Variants in MLIP observed in about 807,000 individuals in gnomAD.
MLIP encodes muscular LMNA-interacting protein.
Under a neutral mutation model 84.8 loss-of-function variants are expected in MLIP, and 79 were observed. The observed-to-expected ratio is 0.93, with a 90% CI of 0.78 to 1.12. The LOEUF is 1.12. Ranked by LOEUF, MLIP falls within the 50% of genes most tolerant of loss-of-function variation. The probability of loss-of-function intolerance (pLI) is 0.00; values close to 1 mark genes in which losing one functional copy is unlikely to be tolerated. For missense variants in MLIP, 1,257 were observed against 1,160.6 expected (o/e 1.08, Z -1.21); for synonymous variants, 504 against 463.0 (o/e 1.09, Z -1.14).
chr6:54,153,146 CA>C (rs1773634001), intron 5 of MLIP, among the ~76,000 whole-genome samples: 1 of 149,940 alleles, frequency 6.7e-6, no homozygotes, highest in East Asian at 2.0e-4. Context: ...TTATAAGTAG[CA>C]AAAAATAATT....
At chr6:54,114,904 GA>G (rs1296119567) in intron 1 of MLIP, among the ~76,000 whole-genome samples, 1 of 152,200 alleles carries the variant, frequency 6.6e-6, no homozygotes, top group Admixed American at 6.5e-5. Context: ...AAAGGGCAGA[GA>G]TGCAGATGTG....
intron 9 of MLIP, among the ~76,000 whole-genome samples, chr6:54,180,092 G>A (rs529039174): frequency 1.3e-5 from 2 of 151,956 alleles, no homozygotes; most frequent in African/African-American, 2.4e-5. Context: ...AAACTTTTTT[G>A]TTGTTGTTGT....
intron 12 of MLIP, among the ~76,000 whole-genome samples, chr6:54,243,425 C>A (rs913909574): frequency 6.6e-6 from 1 of 152,080 alleles, no homozygotes; most frequent in African/African-American, 2.4e-5. Context: ...TAGCTTCCAC[C>A]TTCCTGAACA....
At position 54,202,033 on chromosome 6, in the gene MLIP, C is replaced by T. The variant is rs1257006864; in HGVS notation, c.2590-72C>T. On this transcript the variant is annotated intron_variant, in intron 10 of 13. Transcript: ENST00000502396. ...GTGAGAACAGCATTGAATGACTTAA[C>T]AATAAACATATTTGTTCATTTTAAT... 6 of 1,099,860 alleles carry T rather than the reference C, an allele frequency of 5.5e-6. No homozygotes were observed. The South Asian group carries it at 1.3e-4, about 24-fold the overall frequency. 68.1% of individuals were successfully genotyped at this position (1,099,860 alleles called of 1,614,324 possible).
intron 11 of MLIP, among the ~76,000 whole-genome samples, chr6:54,213,204 A>AT (rs1294646243): frequency 6.6e-6 from 1 of 152,230 alleles, no homozygotes; most frequent in Non-Finnish European, 1.5e-5. Flanking sequence ...TAAGAAAATA[A>AT]TTTAGTTGTA....
chr6:54,265,815 A>T, intron 13 of MLIP, 135 bp from the exon 14 acceptor site: 1 of 738,938 alleles, frequency 1.4e-6, no homozygotes, highest in Non-Finnish European at 2.3e-6. Context: ...AGGAATAAAA[A>T]TAAGCTTTTC....
At chr6:54,146,532 T>C (rs1335558190) in intron 4 of MLIP, among the ~76,000 whole-genome samples, 1 of 152,186 alleles carries the variant, frequency 6.6e-6, no homozygotes, top group African/African-American at 2.4e-5. Context: ...TGAGATAAGT[T>C]AGCAGGAAGC....
intron 1 of MLIP, among the ~76,000 whole-genome samples, chr6:54,027,375 ACACACAC>A (rs1255657896): frequency 8.3e-3 from 1 of 120 alleles, no homozygotes; most frequent in Non-Finnish European, 0.023. Flanking sequence ...TAAAAAAAAT[ACACACAC>A]ACACACACAC....
At chr6:54,249,029 A>G (rs1782276361) in intron 12 of MLIP, among the ~76,000 whole-genome samples, 1 of 152,150 alleles carries the variant, frequency 6.6e-6, no homozygotes, top group Admixed American at 6.6e-5. Context: ...TAAGGATTCC[A>G]GTTAAGATTG....
intron 9 of MLIP, among the ~76,000 whole-genome samples, chr6:54,182,637 A>G (rs992451162): frequency 2.0e-5 from 3 of 152,074 alleles, no homozygotes; most frequent in Non-Finnish European, 2.9e-5. Context: ...ATTCTATTTC[A>G]TTCTATTTTC....
intron 11 of MLIP, among the ~76,000 whole-genome samples, chr6:54,214,475 C>T (rs1189086412): frequency 2.0e-5 from 3 of 152,202 alleles, no homozygotes; most frequent in Non-Finnish European, 4.4e-5. Context: ...GGGACCTTGC[C>T]TAGTCCTATT....
In MLIP at chr6:54,230,603, T is replaced by C. The variant is rs1218665620; in HGVS notation, c.2719-111T>C. 4.5e-6 allele frequency: 4 copies of C among 894,496 alleles called. No individual in the cohort carries two copies. In the African/African-American group the frequency reaches 4.9e-5, roughly 11 times the overall value. 55.4% of individuals were successfully genotyped at this position (894,496 alleles called of 1,614,324 possible). A position where few individuals can be genotyped will look rare whatever the true frequency, so the allele number is the denominator to read the frequency against. On this transcript the variant is annotated intron_variant, in intron 11 of 13. Coordinates refer to ENST00000502396, the MANE Select transcript of MLIP (RefSeq NM_001281747.2). ...GGGACACCATCTCATGAGGAGAGGT[T>C]GTCTTCTTACTGGTAAGAGATTCTG...
At chr6:54,264,651 T>C (rs1562124393) in intron 13 of MLIP, among the ~76,000 whole-genome samples, 2 of 152,120 alleles carry the variant, frequency 1.3e-5, no homozygotes, top group Non-Finnish European at 2.9e-5. Context: ...ATGCTGGTAC[T>C]TTAAGAAAAA....
At chr6:54,151,713 G>A (rs1395004013) in intron 5 of MLIP, among the ~76,000 whole-genome samples, 2 of 151,958 alleles carry the variant, frequency 1.3e-5, no homozygotes, top group Non-Finnish European at 2.9e-5. Flanking sequence ...CTCTCCAATT[G>A]GATTAAACCC....
At chr6:54,107,143 T>C (rs1408203561), upstream of MLIP, among the ~76,000 whole-genome samples, 2 of 152,244 alleles carry the variant, frequency 1.3e-5, no homozygotes, top group African/African-American at 4.8e-5. Context: ...TCATTTTTTC[T>C]GAATATCTTG....
chr6:54,219,411 A>G (rs1215799658), intron 11 of MLIP, among the ~76,000 whole-genome samples: 1 of 127,532 alleles, frequency 7.8e-6, no homozygotes, highest in Non-Finnish European at 1.6e-5. Context: ...TACACAAGTT[A>G]GCCTAGGCAG....
At chr6:54,245,017 C>T (rs139040012) in intron 12 of MLIP, among the ~76,000 whole-genome samples, 2 of 152,192 alleles carry the variant, frequency 1.3e-5, no homozygotes, top group African/African-American at 2.4e-5. Context: ...AACATGCTGG[C>T]CTTTGGAATT....
intron 1 of MLIP, among the ~76,000 whole-genome samples, chr6:54,089,193 A>T (rs980284281): frequency 6.6e-6 from 1 of 152,206 alleles, no homozygotes; most frequent in Non-Finnish European, 1.5e-5. Flanking sequence ...ATTTGTAGAC[A>T]TTCTCTACAT....
chr6:54,245,283 A>G (rs1562100359), intron 12 of MLIP, among the ~76,000 whole-genome samples: 1 of 152,166 alleles, frequency 6.6e-6, no homozygotes, highest in Non-Finnish European at 1.5e-5. Context: ...AGTGAATTCA[A>G]ATTGAGAGGG....
Sources: gnomAD v4.1 joint callset for allele counts (sites outside exome capture counted in the v4.1 genomes callset) on GRCh38, gnomAD v4.1.1 for gene constraint, MANE v1.5 for transcripts, NCBI Gene and HGNC (gene_info 2026-07-23, HGNC 2026-07-21) for gene names.